Variants in VAT1L observed in about 807,000 individuals in gnomAD.
VAT1L encodes the protein putative NADPH-dependent quinone oxidoreductase VAT1L.
In VAT1L, 34 loss-of-function variants were observed where a neutral mutation model predicts 44.1. The ratio of observed to expected loss-of-function variants is 0.77; its 90% CI spans 0.59 to 1.03. The LOEUF (loss-of-function observed/expected upper bound fraction) is 1.03, where lower values mean the gene tolerates loss of function less well. Among genes scored for constraint, VAT1L ranks in the 50% least tolerant of loss-of-function variants. The pLI is 0.00. For missense variants in VAT1L, 615 were observed against 538.8 expected (o/e 1.14, Z -1.40); for synonymous variants, 253 against 202.2 (o/e 1.25, Z -2.13).
chr16:77,842,123 G>T (rs371392511), intron 3 of VAT1L, among the ~76,000 whole-genome samples: 2 of 152,130 alleles, frequency 1.3e-5, no homozygotes, highest in Admixed American at 6.5e-5. Context: ...TCCTGACCTG[G>T]TGATCTGCCT....
chr16:77,789,040 C>T, intron 1 of VAT1L, 125 bp downstream of exon 1: 1 of 1,218,358 alleles, frequency 8.2e-7, no homozygotes, highest in Non-Finnish European at 1.1e-6. Flanking sequence ...TCCGCGCCCT[C>T]ACCCGGGTCT....
intron 7 of VAT1L, among the ~76,000 whole-genome samples, chr16:77,932,951 G>A (rs564457739): frequency 6.6e-6 from 1 of 152,340 alleles, no homozygotes; most frequent in East Asian, 1.9e-4. Context: ...ATGATTCCAA[G>A]CACTTGGGGA....
chr16:77,939,201 C>A (rs983970801), intron 7 of VAT1L, among the ~76,000 whole-genome samples: 1 of 152,204 alleles, frequency 6.6e-6, no homozygotes, highest in Non-Finnish European at 1.5e-5. Context: ...CTTGTTTAAA[C>A]CTCCCTGTAG....
intron 7 of VAT1L, among the ~76,000 whole-genome samples, chr16:77,911,654 C>G (rs1367741334): frequency 6.6e-6 from 1 of 152,182 alleles, no homozygotes. Flanking sequence ...TTCCCAAAGC[C>G]TGAGGAGTGG....
At chr16:77,935,231 C>T (rs996587179) in intron 7 of VAT1L, among the ~76,000 whole-genome samples, 3 of 152,150 alleles carry the variant, frequency 2.0e-5, no homozygotes, top group African/African-American at 7.2e-5. Context: ...GGAGATGTCT[C>T]TTCACTCATC....
chr16:77,886,981 T>C (rs1475401041), intron 7 of VAT1L, among the ~76,000 whole-genome samples: 1 of 152,220 alleles, frequency 6.6e-6, no homozygotes, highest in African/African-American at 2.4e-5. Context: ...AGTAACTTTA[T>C]TTTATCTTCC....
intron 3 of VAT1L, 100 bp from the exon 4 acceptor site, chr16:77,862,648 G>GAAAAAA: frequency 2.1e-6 from 1 of 469,070 alleles, no homozygotes; most frequent in Non-Finnish European, 3.2e-6. Context: ...AAAAAAAAAA[G>GAAAAAA]TCAATAGTGC....
At chr16:77,864,908 G>A (rs1036486897) in intron 4 of VAT1L, among the ~76,000 whole-genome samples, 6 of 151,658 alleles carry the variant, frequency 4.0e-5, no homozygotes, top group Non-Finnish European at 8.8e-5. Flanking sequence ...GAGGCTGCAG[G>A]CTAATTTTGA....
chr16:77,912,402 G>T lies in VAT1L; in HGVS notation c.1077+27600G>T, dbSNP rs1036198760. ...GAAAATGTTAATAATGGTTGAGGCT[G>T]AGTGAATGGGGACAAGGTGGTTCAT... On this transcript the variant is annotated intron_variant, in intron 7 of 8. Coordinates refer to ENST00000302536, the MANE Select transcript of VAT1L (RefSeq NM_020927.3). Among the ~76,000 whole-genome samples, 7 of 152,126 alleles carry T rather than the reference G, an allele frequency of 4.6e-5. No homozygotes were observed. In the South Asian group the frequency reaches 1.4e-3, roughly 32 times the overall value.
intron 7 of VAT1L, among the ~76,000 whole-genome samples, chr16:77,900,465 G>T (rs558437988): frequency 6.6e-6 from 1 of 151,882 alleles, no homozygotes; most frequent in African/African-American, 2.4e-5. Flanking sequence ...AGGACAAGGC[G>T]GGGGGGATCA....
chr16:77,956,014 C>T lies in VAT1L; in HGVS notation c.1078-15836C>T, dbSNP rs143190833. ...ACAATGGGTAAGACCTGTTTGATAG[C>T]ACAGTGGGGTGACTATAGTCAACAG... On this transcript the variant is annotated intron_variant, in intron 7 of 8. Coordinates refer to ENST00000302536, the MANE Select transcript of VAT1L (RefSeq NM_020927.3). Among the ~76,000 whole-genome samples the T allele has an allele frequency of 7.8e-4, 119 of 152,198 alleles. 1 individual carries two copies. Among genetic ancestry groups the T allele is most frequent in the African/African-American group, 2.8e-3 (116 of 41,524 alleles).
intron 7 of VAT1L, among the ~76,000 whole-genome samples, chr16:77,889,480 C>G (rs984734211): frequency 1.2e-4 from 18 of 152,272 alleles, no homozygotes; most frequent in African/African-American, 3.6e-4. Context: ...TGAGAGCCTA[C>G]TGTGTGCTGT....
chr16:77,872,863 G>A (rs2017046887), intron 4 of VAT1L, among the ~76,000 whole-genome samples: 1 of 152,174 alleles, frequency 6.6e-6, no homozygotes, highest in Admixed American at 6.5e-5. Flanking sequence ...TGCCTAGCAT[G>A]TAGTAAACAC....
chr16:77,935,421 AT>A, intron 7 of VAT1L, among the ~76,000 whole-genome samples: 1 of 150,616 alleles, frequency 6.6e-6, no homozygotes, highest in African/African-American at 2.4e-5. Context: ...GGGCACGAGA[AT>A]TTTTTTTCAA....
intron 3 of VAT1L, among the ~76,000 whole-genome samples, chr16:77,861,730 T>C (rs552350587): frequency 2.6e-5 from 4 of 152,366 alleles, no homozygotes; most frequent in South Asian, 4.1e-4. Flanking sequence ...AGAAGCCAGA[T>C]AGGCACAAGA....
chr16:77,926,257 T>TAAAA lies in VAT1L; in HGVS notation c.1077+41472_1077+41475dup, dbSNP rs34182080. ...AACAGAGTGAGACTCCGTCTCAAAG[T>TAAAA]AAAAAAAAAAAAAAAAAAAATAGGA... On this transcript the variant is annotated intron_variant, in intron 7 of 8. Coordinates refer to ENST00000302536, the MANE Select transcript of VAT1L (RefSeq NM_020927.3). Among the ~76,000 whole-genome samples the TAAAA allele has an allele frequency of 2.7e-5, 3 of 112,804 alleles. No individual in the cohort carries two copies. The South Asian group carries it at 8.6e-4, about 32-fold the overall frequency. The allele number at this position is 112,804 out of a possible 152,430, so 74.0% of individuals were successfully genotyped here.
intron 3 of VAT1L, among the ~76,000 whole-genome samples, chr16:77,828,659 A>C (rs2016548983): frequency 6.6e-6 from 1 of 152,010 alleles, no homozygotes; most frequent in Admixed American, 6.6e-5. Context: ...GCAAAACTCC[A>C]TCTCAAAAAA....
chr16:77,832,485 A>T (rs900241119), intron 3 of VAT1L, among the ~76,000 whole-genome samples: 4 of 152,186 alleles, frequency 2.6e-5, no homozygotes, highest in African/African-American at 9.6e-5. Context: ...AAGGGCTGGA[A>T]GAAGCATTCC....
rs553655796 is a variant in VAT1L, at chr16:77,792,631, G to C, written c.233+3716G>C. Among the ~76,000 whole-genome samples the C allele has an allele frequency of 2.6e-5, 4 of 152,164 alleles. No individual in the cohort carries two copies. In the South Asian group the frequency reaches 8.3e-4, roughly 32 times the overall value. On this transcript the variant is annotated intron_variant, in intron 1 of 8. Transcript: ENST00000302536. ...AAGCAGAAGTGGCTTCTATCTGACT[G>C]AGCAAAATTCTCTAGGGAAAGGGAT...
Sources: allele counts gnomAD v4.1 joint callset (sites outside exome capture counted in the v4.1 genomes callset), GRCh38; gene constraint gnomAD v4.1.1; transcripts MANE v1.5; gene names NCBI Gene and HGNC (gene_info 2026-07-23, HGNC 2026-07-21).